The following AFDN variants were observed in gnomAD, a reference collection of about 807,000 sequenced individuals.
The protein encoded by AFDN is afadin.
A neutral mutation model predicts 216.6 loss-of-function variants in AFDN; 68 were observed. The observed-to-expected ratio is 0.31, with a 90% CI of 0.26 to 0.38. AFDN has a LOEUF of 0.38. AFDN is among the 10% of genes least tolerant of loss of function. The probability of loss-of-function intolerance (pLI) is 1.00; values close to 1 mark genes in which losing one functional copy is unlikely to be tolerated. For missense variants in AFDN, 2,136 were observed against 2,342.0 expected, an observed-to-expected ratio of 0.91 and a Z score of 1.82; for synonymous variants, 868 against 853.7, an observed-to-expected ratio of 1.02 and a Z score of -0.29.
intron 12 of AFDN, among the ~76,000 whole-genome samples, chr6:167,904,100 C>T (rs1473333709): frequency 6.6e-6 from 1 of 152,198 alleles, no homozygotes; most frequent in Non-Finnish European, 1.5e-5. Flanking sequence ...CTTCCTGCAT[C>T]TTTCCTAGGT....
chr6:167,956,114 C>CAAAAAAAAAA (rs59521151), intron 30 of AFDN, among the ~76,000 whole-genome samples: 1 of 41,298 alleles, frequency 2.4e-5, no homozygotes, highest in Non-Finnish European at 4.5e-5. Flanking sequence ...GACTTTGGCT[C>CAAAAAAAAAA]AAAAAAAAAA....
At chr6:167,910,971 A>G (rs755204766) in intron 13 of AFDN, 130 bp from the exon 14 acceptor site, 5 of 740,006 alleles carry the variant, frequency 6.8e-6, no homozygotes, top group African/African-American at 1.8e-5. Flanking sequence ...AACAAGGGAT[A>G]TTTTATTATT....
At chr6:167,910,898 CCTT>C (rs1430655005) in intron 13 of AFDN, among the ~76,000 whole-genome samples, 200 bp from the exon 14 acceptor site, 6 of 152,090 alleles carry the variant, frequency 3.9e-5, no homozygotes, top group Admixed American at 1.3e-4. Flanking sequence ...AAGGAACTAA[CCTT>C]CTTAGAGGAG....
At chr6:167,862,283 A>G (rs932630170) in intron 1 of AFDN, among the ~76,000 whole-genome samples, 6 of 152,210 alleles carry the variant, frequency 3.9e-5, no homozygotes, top group African/African-American at 1.4e-4. Context: ...TACCTGGCAC[A>G]TAGGCGGTGA....
chr6:167,906,907 A>G (rs1304158410), intron 12 of AFDN, among the ~76,000 whole-genome samples: 1 of 152,246 alleles, frequency 6.6e-6, no homozygotes, highest in Non-Finnish European at 1.5e-5. Flanking sequence ...GTGTGTTACC[A>G]GCTTTGCCTG....
At chr6:167,882,267 T>A (rs1200994411) in intron 6 of AFDN, among the ~76,000 whole-genome samples, 1 of 151,568 alleles carries the variant, frequency 6.6e-6, no homozygotes, top group Non-Finnish European at 1.5e-5. Flanking sequence ...ATAAGATAGG[T>A]AGAAAATAAG....
intron 1 of AFDN, among the ~76,000 whole-genome samples, chr6:167,837,881 GAA>G (rs959904771): frequency 6.6e-6 from 1 of 152,134 alleles, no homozygotes; most frequent in African/African-American, 2.4e-5. Flanking sequence ...TATCCAAGTA[GAA>G]AATTTGGAAT....
At chr6:167,886,258 C>A (rs1786793066) in intron 6 of AFDN, among the ~76,000 whole-genome samples, 1 of 151,578 alleles carries the variant, frequency 6.6e-6, no homozygotes, top group South Asian at 2.1e-4. Context: ...ATTTCTTTGG[C>A]CTTTAGTAGG....
At position 167,952,170 on chromosome 6, in the gene AFDN, G is replaced by A. The variant is rs1583030240; in HGVS notation, c.4816G>A (p.Ala1606Thr). The change falls in exon 30 of 34, where the codon GCT (alanine) becomes ACT (threonine). Residue 1606 changes from alanine to threonine, a missense_variant. Physicochemically the swap from Ala to Thr is moderately conservative, Grantham distance 58. Around this residue, in one of 8 missense-constraint regions of AFDN, gnomAD observed 981 missense variants for 966.0 expected, o/e 1.02. Transcript: ENST00000683244. Reference protein sequence around the residue: ...DTMLIMQRLEAERRARLQDEE... With the variant: ...DTMLIMQRLETERRARLQDEE... ...CATGCTGATCATGCAGCGCCTGGAG[G>A]CTGAACGAAGAGCGAGGGTAAAGGG... The A allele has an allele frequency of 6.2e-7, 1 of 1,614,192 alleles. No individual in the cohort carries two copies. Among genetic ancestry groups the A allele is most frequent in the African/African-American group, 1.3e-5 (1 of 75,066 alleles).
intron 30 of AFDN, 43 bp downstream of exon 30, chr6:167,952,230 A>G (rs746583822): frequency 2.4e-5 from 39 of 1,613,340 alleles, no homozygotes; most frequent in Middle Eastern, 3.3e-4. Context: ...TGTGGTCCCT[A>G]TTTTAGCTTC....
rs536301161 is a variant in AFDN at position 167,952,182 on chromosome 6, G to T, written c.4828G>T (p.Ala1610Ser). Reference protein sequence around the residue: ...IMQRLEAERRARLQDEERRRQ... With the variant: ...IMQRLEAERRSRLQDEERRRQ... ...GCAGCGCCTGGAGGCTGAACGAAGAGCGAGGGTAAAGGGGGGAGTGCTTTG... is the reference window on the plus strand; with the variant it reads ...GCAGCGCCTGGAGGCTGAACGAAGATCGAGGGTAAAGGGGGGAGTGCTTTG... The change falls in exon 30 of 34, where the codon GCG becomes TCG. Residue 1610 changes from alanine (A) to serine (S), a missense_variant. This residue lies in a region of AFDN where 981 missense variants were observed against 966.0 expected (regional missense o/e 1.02). Coordinates refer to ENST00000683244, the MANE Select transcript of AFDN (RefSeq NM_001386888.1). 23 of 1,614,120 alleles carry T rather than the reference G, an allele frequency of 1.4e-5. No homozygotes were observed. The African/African-American group carries it at 2.9e-4, about 21-fold the overall frequency.
intron 10 of AFDN, among the ~76,000 whole-genome samples, chr6:167,897,589 T>C (rs1284785944): frequency 2.0e-5 from 3 of 151,844 alleles, no homozygotes; most frequent in Admixed American, 2.0e-4. Context: ...TAATGATCTG[T>C]TTAGATTTGT....
At chr6:167,913,377 A>AT (rs1790652761) in intron 15 of AFDN, 26 bp from the exon 16 acceptor site, 4 of 1,535,288 alleles carry the variant, frequency 2.6e-6, no homozygotes, top group Non-Finnish European at 2.6e-6. Context: ...GTTCTGCTTG[A>AT]TTTCCCCTCG....
rs561821285 is a variant in AFDN, at chr6:167,969,835, A to C, written c.5396A>C (p.Lys1799Thr). 6.2e-7 allele frequency: 1 copy of C among 1,613,008 alleles called. No individual in the cohort carries two copies. The highest frequency in any genetic ancestry group is 1.1e-5 in the South Asian group (1 of 90,654). The change falls in exon 34 of 34, where the codon AAG becomes ACG. Residue 1799 changes from lysine to threonine, a missense_variant. By Grantham distance (78) the Lys-to-Thr change is moderately conservative (BLOSUM62 -1). Transcript: ENST00000683244. ...GGGGCCCCTGAAAACTTGACATTCA[A>C]GGAACGCCAGCGTCTTTTTTCACAA... ...SSGAPENLTFKERQRLFSQGQ... is the reference protein window; with the variant it reads ...SSGAPENLTFTERQRLFSQGQ...
intron 20 of AFDN, among the ~76,000 whole-genome samples, chr6:167,917,615 G>A (rs1791255706): frequency 6.6e-6 from 1 of 152,204 alleles, no homozygotes; most frequent in Non-Finnish European, 1.5e-5. Context: ...CCAGAATGGA[G>A]CCAGGAGTTT....
intron 5 of AFDN, among the ~76,000 whole-genome samples, chr6:167,877,974 T>C (rs1218318353): frequency 6.6e-6 from 1 of 152,174 alleles, no homozygotes; most frequent in East Asian, 1.9e-4. Flanking sequence ...TTATATTTGC[T>C]TCATGATGGC....
chr6:167,834,704 A>G (rs1294458160), intron 1 of AFDN, among the ~76,000 whole-genome samples: 1 of 151,882 alleles, frequency 6.6e-6, no homozygotes, highest in Non-Finnish European at 1.5e-5. Flanking sequence ...TTCATACTCT[A>G]TACAGTGGCT....
intron 6 of AFDN, 101 bp from the exon 7 acceptor site, chr6:167,889,114 G>A (rs1787240218): frequency 7.0e-6 from 5 of 718,222 alleles, no homozygotes; most frequent in Non-Finnish European, 9.4e-6. Flanking sequence ...TAATTCTACG[G>A]TGACATTTTA....
In AFDN at chr6:167,829,118, C is replaced by T. The variant is rs371206172; in HGVS notation, c.105+1881C>T. 8.1e-4 allele frequency among the ~76,000 whole-genome samples: 124 copies of T among 152,216 alleles called. 1 individual carries two copies. The highest frequency in any genetic ancestry group is 2.9e-3 in the African/African-American group (120 of 41,562). ...TGATATATTTCATTTCCTAATTTTT[C>T]TCCCTACTTATATCTGAACATTTCC... On this transcript the variant is annotated intron_variant, in intron 1 of 33. Coordinates refer to ENST00000683244, the MANE Select transcript of AFDN (RefSeq NM_001386888.1).
Sources: gnomAD v4.1 joint callset for allele counts (sites outside exome capture counted in the v4.1 genomes callset) on GRCh38, gnomAD v4.1.1 for gene constraint, gnomAD v4.1.1 regional missense constraint, MANE v1.5 for transcripts, NCBI Gene and HGNC (gene_info 2026-07-23, HGNC 2026-07-21) for gene names.